LRRC8E: variants seen among roughly 807,000 people sequenced by gnomAD.
LRRC8E encodes the protein volume-regulated anion channel subunit LRRC8E.
A neutral mutation model predicts 6.1 loss-of-function variants in LRRC8E; 6 were observed. That is an observed-to-expected ratio of 0.98 (90% CI 0.54 to 1.93). LRRC8E has a LOEUF of 1.93. Ranked by LOEUF, LRRC8E falls within the 30% of genes most tolerant of loss-of-function variation. The probability of loss-of-function intolerance (pLI) is 0.01; values close to 1 mark genes in which losing one functional copy is unlikely to be tolerated. For missense variants in LRRC8E, 1,028 were observed against 1,031.4 expected, an observed-to-expected ratio of 1.00 and a Z score of 0.04; for synonymous variants, 485 against 472.8, an observed-to-expected ratio of 1.03 and a Z score of -0.33.
intron 1 of LRRC8E, among the ~76,000 whole-genome samples, chr19:7,891,856 T>G (rs1981332662): frequency 6.6e-6 from 1 of 152,058 alleles, no homozygotes; most frequent in Non-Finnish European, 1.5e-5. Flanking sequence ...ATTATCCGCC[T>G]ACCTTGGCCT....
chr19:7,898,153 G>A (rs922769721), intron 2 of LRRC8E, among the ~76,000 whole-genome samples: 10 of 149,348 alleles, frequency 6.7e-5, no homozygotes, highest in African/African-American at 2.5e-4. Flanking sequence ...AGGTTGCAAT[G>A]AGCCAAGATT....
rs1981942925 is a variant in LRRC8E at position 7,900,598 on chromosome 19, AC to A, written c.2079del (p.Glu694ArgfsTer41). On this transcript the variant is annotated frameshift_variant, in exon 3 of 3. Coordinates refer to ENST00000306708, the MANE Select transcript of LRRC8E (RefSeq NM_025061.6). LOFTEE classifies it low-confidence loss of function (END_TRUNC). The surrounding 1 kb of genome is among the most constrained non-coding windows in gnomAD (Gnocchi z 5.0). The stretch of plus-strand genomic sequence containing the variant: ...CCCACAATGGGCTACACTCCCTGCC[AC>A]CCGAGGTGGGCCTCCTGCAGAACCT... ...VSHNGLHSLP[P>X]EVGLLQNLQH... The A allele has an allele frequency of 6.2e-7, 1 of 1,613,106 alleles. No individual in the cohort carries two copies. The highest frequency in any genetic ancestry group is 1.3e-5 in the African/African-American group (1 of 74,912).
At position 7,895,766 on chromosome 19, in the gene LRRC8E, G is replaced by C; in HGVS notation, c.138+25G>C. The C allele has an allele frequency of 6.2e-7, 1 of 1,607,660 alleles. No homozygotes were observed. On this transcript the variant is annotated intron_variant, in intron 2 of 2. Transcript: ENST00000306708. This position sits in a 1 kb window ranked among gnomAD's most constrained non-coding sequence, Gnocchi z 4.7. ...GGTGAGGCCCTCCCCTGGCAAGGGG[G>C]TGTGACCAGAGGGGCGGGGCAGGTG... is the stretch of plus-strand genomic sequence containing the variant.
chr19:7,897,697 C>T (rs569279787), intron 2 of LRRC8E, among the ~76,000 whole-genome samples: 7 of 142,726 alleles, frequency 4.9e-5, no homozygotes, highest in African/African-American at 1.7e-4. Flanking sequence ...CATCTTCTGT[C>T]TTTGTGTCTG....
At chr19:7,890,963 T>C (rs375161068) in intron 1 of LRRC8E, among the ~76,000 whole-genome samples, 3 of 152,122 alleles carry the variant, frequency 2.0e-5, no homozygotes, top group African/African-American at 7.2e-5. Flanking sequence ...TCCCAAAGTG[T>C]TGGGATTACA....
chr19:7,901,993 TAATA>T lies in LRRC8E; in HGVS notation c.*1086_*1089del, dbSNP rs1232587287. The T allele has an allele frequency of 6.6e-6, 1 of 152,186 alleles. No individual in the cohort carries two copies. The highest frequency in any genetic ancestry group is 1.9e-4 in the East Asian group (1 of 5,202). The allele number at this position is 152,186 out of a possible 1,614,324, so 9.4% of individuals were successfully genotyped here. ...TGGTCTTGACTGTTCTCTGGGTGCT[TAATA>T]AATAATACTAATTATGCAAGTTCTA... On this transcript the variant is annotated 3_prime_UTR_variant, in exon 3 of 3. Coordinates refer to ENST00000306708, the MANE Select transcript of LRRC8E (RefSeq NM_025061.6).
Position 7,901,168 on chromosome 19 carries a change from A to G in LRRC8E, c.*255A>G. The stretch of plus-strand genomic sequence containing the variant: ...GTCATGGCATTCTCCGACCAAAACC[A>G]CACCTGTGTCTCTGGCAGGCTGGCT... On this transcript the variant is annotated 3_prime_UTR_variant, in exon 3 of 3. Transcript: ENST00000306708. 1 of 365,358 alleles carries G rather than the reference A, an allele frequency of 2.7e-6. No homozygotes were observed. The highest frequency in any genetic ancestry group is 5.0e-6 in the Non-Finnish European group (1 of 201,470). 22.6% of individuals were successfully genotyped at this position (365,358 alleles called of 1,614,324 possible). A position where few individuals can be genotyped will look rare whatever the true frequency, so the allele number is the denominator to read the frequency against.
Position 7,899,959 on chromosome 19 carries a change from G to A in LRRC8E, c.1437G>A (p.Gln479=), listed in dbSNP as rs1208792836. 6.2e-7 allele frequency: 1 copy of A among 1,609,444 alleles called. No homozygotes were observed. The stretch of plus-strand genomic sequence containing the variant: ...CCGCCAGGCTACCCTTCTCCTTGCA[G>A]GTCTTCCTGCGGGACCACCTGAAGG... ...HSPARLPFSL[Q]VFLRDHLKVM... Residue 479 remains glutamine, a synonymous_variant, in exon 3 of 3, where the codon CAG becomes CAA. Coordinates refer to ENST00000306708, the MANE Select transcript of LRRC8E (RefSeq NM_025061.6).
intron 2 of LRRC8E, among the ~76,000 whole-genome samples, chr19:7,896,295 C>T (rs952259180): frequency 5.3e-5 from 8 of 149,674 alleles, no homozygotes; most frequent in East Asian, 4.1e-4. Flanking sequence ...AGACAGGGGC[C>T]GGGCATGGTG....
In LRRC8E at chr19:7,895,657, G is replaced by C. The variant is rs768706347; in HGVS notation, c.54G>C (p.Lys18Asn). The C allele has an allele frequency of 1.2e-6, 2 of 1,614,146 alleles. No individual in the cohort carries two copies. Among genetic ancestry groups the C allele is most frequent in the Non-Finnish European group, 1.7e-6 (2 of 1,179,990 alleles). Residue 18 changes from lysine to asparagine, a missense_variant, in exon 2 of 3, where the codon AAG becomes AAC. Lys to Asn is a moderately conservative substitution (Grantham distance 94, BLOSUM62 0). Coordinates refer to ENST00000306708, the MANE Select transcript of LRRC8E (RefSeq NM_025061.6). The surrounding 1 kb of genome is among the most constrained non-coding windows in gnomAD (Gnocchi z 4.7). ...TCACGGAACAGCAGCCTGCGTTCAA[G>C]GTGCTCAAACCCTGGTGGGACGTGC... ...KQFTEQQPAFKVLKPWWDVLA... is the reference protein window; with the variant it reads ...KQFTEQQPAFNVLKPWWDVLA...
chr19:7,892,318 C>G (rs564146133), intron 1 of LRRC8E, among the ~76,000 whole-genome samples: 49 of 150,628 alleles, frequency 3.3e-4, no homozygotes, highest in African/African-American at 1.1e-3. Context: ...GTGATCCACC[C>G]ACCTCGGCCT....
At chr19:7,890,985 C>T (rs1262863228) in intron 1 of LRRC8E, among the ~76,000 whole-genome samples, 1 of 152,128 alleles carries the variant, frequency 6.6e-6, no homozygotes, top group African/African-American at 2.4e-5. Context: ...GCGTGAGCCA[C>T]CGTGCCTGGC....
intron 2 of LRRC8E, among the ~76,000 whole-genome samples, chr19:7,898,302 C>CG (rs1465204077): frequency 4.0e-5 from 6 of 151,232 alleles, no homozygotes; most frequent in African/African-American, 7.3e-5. Flanking sequence ...ATGGGGGGTG[C>CG]GGGGGGTCTC....
chr19:7,900,116 C>T lies in LRRC8E; in HGVS notation c.1594C>T (p.Arg532Trp), dbSNP rs374103080. Residue 532 changes from arginine to tryptophan, a missense_variant, in exon 3 of 3, where the codon CGG (arginine) becomes TGG (tryptophan). By Grantham distance (101) the Arg-to-Trp change is moderately radical (BLOSUM62 -3). Coordinates refer to ENST00000306708, the MANE Select transcript of LRRC8E (RefSeq NM_025061.6). This position sits in a 1 kb window ranked among gnomAD's most constrained non-coding sequence, Gnocchi z 5.0. ...TCGGGCAGCCACCCTGGAGAGCCTC[C>T]GGGAGCTGAAGCAGCTCAAGGTGTT... ...LARAATLESL[R>W]ELKQLKVLSL... The T allele has an allele frequency of 9.9e-6, 16 of 1,612,600 alleles. No homozygotes were observed. The highest frequency in any genetic ancestry group is 6.7e-5 in the African/African-American group (5 of 74,934).
intron 1 of LRRC8E, among the ~76,000 whole-genome samples, chr19:7,888,873 G>C (rs1235177074): frequency 6.6e-6 from 1 of 152,162 alleles, no homozygotes; most frequent in Non-Finnish European, 1.5e-5. Context: ...CTTGACTTTG[G>C]GGGTCTCAAC....
At position 7,899,432 on chromosome 19, in the gene LRRC8E, A is replaced by G; in HGVS notation, c.910A>G (p.Thr304Ala). The G allele has an allele frequency of 6.2e-7, 1 of 1,614,010 alleles. No homozygotes were observed. The highest frequency in any genetic ancestry group is 8.5e-7 in the Non-Finnish European group (1 of 1,179,996). The change falls in exon 3 of 3, where the codon ACC (threonine) becomes GCC (alanine). Residue 304 changes from threonine (T) to alanine (A), a missense_variant. Coordinates refer to ENST00000306708, the MANE Select transcript of LRRC8E (RefSeq NM_025061.6). ...CTACGCCAGCTTCTGCTGCAACCAC[A>G]CCAAGGCCCACCTCTTCTCCAAGCT... ...TGYASFCCNHTKAHLFSKLAF... is the reference protein window; with the variant it reads ...TGYASFCCNHAKAHLFSKLAF...
At chr19:7,889,702 C>T (rs1345163225) in intron 1 of LRRC8E, among the ~76,000 whole-genome samples, 2 of 151,302 alleles carry the variant, frequency 1.3e-5, no homozygotes, top group Non-Finnish European at 2.9e-5. Flanking sequence ...ATGATCGTGC[C>T]ACTGAACTCC....
chr19:7,891,551 G>GTGTT (rs1300565570), intron 1 of LRRC8E, among the ~76,000 whole-genome samples: 3 of 145,408 alleles, frequency 2.1e-5, no homozygotes, highest in Non-Finnish European at 3.1e-5. Context: ...GTGTGTTTGT[G>GTGTT]TGTGTGTGTG....
chr19:7,897,595 A>AC (rs1424891075), intron 2 of LRRC8E, among the ~76,000 whole-genome samples: 1 of 107,106 alleles, frequency 9.3e-6, no homozygotes, highest in Admixed American at 1.0e-4. Flanking sequence ...CTCCTCTACC[A>AC]CCCCCGCTTG....
Sources: allele counts gnomAD v4.1 joint callset (sites outside exome capture counted in the v4.1 genomes callset), GRCh38; gene constraint gnomAD v4.1.1; non-coding constraint Gnocchi (gnomAD v3.1); transcripts MANE v1.5; gene names NCBI Gene and HGNC (gene_info 2026-07-23, HGNC 2026-07-21).